Variants in IRAK1BP1 observed in about 807,000 individuals in gnomAD.
IRAK1BP1 encodes interleukin-1 receptor-associated kinase 1-binding protein 1.
A neutral mutation model predicts 28.0 loss-of-function variants in IRAK1BP1; 24 were observed. The ratio of observed to expected loss-of-function variants is 0.86; its 90% CI spans 0.62 to 1.20. IRAK1BP1 has a LOEUF of 1.20. Ranked by LOEUF, IRAK1BP1 falls within the 50% of genes most tolerant of loss-of-function variation. The probability of loss-of-function intolerance (pLI) is 0.00; values close to 1 mark genes in which losing one functional copy is unlikely to be tolerated. For missense variants in IRAK1BP1, 336 were observed against 316.7 expected (o/e 1.06, Z -0.46); for synonymous variants, 131 against 116.3 (o/e 1.13, Z -0.81).
At chr6:78,868,668 CCT>C (rs1173136173) in intron 1 of IRAK1BP1, among the ~76,000 whole-genome samples, 1 of 152,094 alleles carries the variant, frequency 6.6e-6, no homozygotes, top group Non-Finnish European at 1.5e-5. Flanking sequence ...TTTTAATATC[CCT>C]GTTTTCCAAA....
chr6:78,910,619 AG>A (rs1265703744), intron 4 of IRAK1BP1, among the ~76,000 whole-genome samples: 1 of 152,258 alleles, frequency 6.6e-6, no homozygotes, highest in African/African-American at 2.4e-5. Flanking sequence ...AAGCCCGGGC[AG>A]AAGGGCGCAT....
At chr6:78,910,635 G>C (rs933062229) in intron 4 of IRAK1BP1, among the ~76,000 whole-genome samples, 1 of 152,232 alleles carries the variant, frequency 6.6e-6, no homozygotes, top group Non-Finnish European at 1.5e-5. Context: ...GCGCATTCTC[G>C]GCGCGGAGGG....
chr6:78,946,470 G>A (rs763165243), downstream of IRAK1BP1: 166 of 1,399,820 alleles, frequency 1.2e-4, no homozygotes, highest in Non-Finnish European at 1.5e-4. Context: ...CGGAAAGCAT[G>A]ATGCCATCAC....
At chr6:78,926,546 A>C (rs1209669298) in intron 4 of IRAK1BP1, among the ~76,000 whole-genome samples, 4 of 152,154 alleles carry the variant, frequency 2.6e-5, no homozygotes, top group Non-Finnish European at 5.9e-5. Context: ...TGTGTCACAA[A>C]TTATCCAAGT....
At chr6:78,887,760 G>T (rs1380685169) in intron 2 of IRAK1BP1, among the ~76,000 whole-genome samples, 1 of 148,104 alleles carries the variant, frequency 6.8e-6, no homozygotes, top group Admixed American at 6.8e-5. Flanking sequence ...AGGTGGGAAT[G>T]TATGATGATG....
intron 1 of IRAK1BP1, among the ~76,000 whole-genome samples, chr6:78,882,862 A>G (rs1366349516): frequency 1.3e-5 from 2 of 152,210 alleles, no homozygotes; most frequent in Admixed American, 1.3e-4. Context: ...GTACTATAAT[A>G]TTAACATCAG....
At chr6:78,903,179 T>C (rs1409057162), downstream of IRAK1BP1, 2 of 859,852 alleles carry the variant, frequency 2.3e-6, no homozygotes, top group Non-Finnish European at 3.5e-6. Context: ...CTTTGCTACA[T>C]AGGGTTTAAA....
chr6:78,909,156 C>A (rs753990962), intron 4 of IRAK1BP1, among the ~76,000 whole-genome samples: 5 of 152,136 alleles, frequency 3.3e-5, no homozygotes, highest in Non-Finnish European at 7.4e-5. Context: ...TACGATAGTT[C>A]AATTTATGAT....
intron 1 of IRAK1BP1, among the ~76,000 whole-genome samples, chr6:78,885,121 A>G (rs1246673606): frequency 6.6e-6 from 1 of 152,108 alleles, no homozygotes; most frequent in Non-Finnish European, 1.5e-5. Flanking sequence ...AATGAAAACC[A>G]TTCAACCTTT....
At chr6:78,938,180 T>TTTA (rs1773342756) in intron 4 of IRAK1BP1, 1 of 151,644 alleles carries the variant, frequency 6.6e-6, no homozygotes, top group African/African-American at 2.4e-5. Context: ...CTAATACATG[T>TTTA]TTAAGTGTTT....
the IRAK1BP1 span, among the ~76,000 whole-genome samples, chr6:78,978,373 C>T: frequency 6.6e-6 from 1 of 151,976 alleles, no homozygotes; most frequent in Non-Finnish European, 1.5e-5. Context: ...AAAACACTAA[C>T]AAAATTTTCA....
At chr6:78,962,928 T>C in the IRAK1BP1 span, among the ~76,000 whole-genome samples, 3 of 152,312 alleles carry the variant, frequency 2.0e-5, no homozygotes, top group East Asian at 5.8e-4. Flanking sequence ...CTGTTTTAAA[T>C]AGTTAAGTCC....
In IRAK1BP1 at chr6:78,944,084, G is replaced by A. The variant is rs75459183; in HGVS notation, c.*68-1324G>A. Among the ~76,000 whole-genome samples the A allele has an allele frequency of 5.1e-3, 776 of 150,746 alleles. 11 individuals are homozygous for A. The highest frequency in any genetic ancestry group is 0.018 in the African/African-American group (720 of 41,068). ...AAGAAGACGATATTTTAAGTGAGACGTGAAAGGCAACAGACAATTAAACTA... is the reference window on the plus strand; with the variant it reads ...AAGAAGACGATATTTTAAGTGAGACATGAAAGGCAACAGACAATTAAACTA... On this transcript the variant is annotated intron_variant and NMD_transcript_variant, in intron 4 of 4. Transcript: ENST00000606868.
the IRAK1BP1 span, chr6:78,961,834 A>G: frequency 6.4e-7 from 1 of 1,565,882 alleles, no homozygotes; most frequent in Non-Finnish European, 8.7e-7. Context: ...ATAAGTTTGT[A>G]AATTTATTTT....
intron 4 of IRAK1BP1, among the ~76,000 whole-genome samples, chr6:78,913,628 G>A (rs1464996552): frequency 1.3e-5 from 2 of 152,184 alleles, no homozygotes; most frequent in Non-Finnish European, 2.9e-5. Context: ...CTAGGTGATA[G>A]AGCGAGACTC....
chr6:78,978,317 G>A, the IRAK1BP1 span, among the ~76,000 whole-genome samples: 1 of 151,804 alleles, frequency 6.6e-6, no homozygotes, highest in Non-Finnish European at 1.5e-5. Context: ...AAAAGAAAAA[G>A]AAAGCTGGCA....
In IRAK1BP1 at chr6:78,939,051, A is replaced by AG. The variant is rs778312177; in HGVS notation, c.*68-6356dup. 5.9e-5 allele frequency: 9 copies of AG among 151,858 alleles called. No individual in the cohort carries two copies. In the East Asian group the frequency reaches 9.6e-4, roughly 16 times the overall value. The allele number at this position is 151,858 out of a possible 1,614,324, so 9.4% of individuals were successfully genotyped here. On this transcript the variant is annotated intron_variant and NMD_transcript_variant, in intron 4 of 4. Coordinates refer to the IRAK1BP1 transcript ENST00000606868. ...TTTGATTACATTTTTGTACCATACCAGTCCTCAGAAAATACTACATTCTTT... is the reference window on the plus strand; with the variant it reads ...TTTGATTACATTTTTGTACCATACCAGGTCCTCAGAAAATACTACATTCTTT...
At chr6:78,885,318 G>T (rs2127645854) in intron 1 of IRAK1BP1, 60 bp from the exon 2 acceptor site, 3 of 931,412 alleles carry the variant, frequency 3.2e-6, no homozygotes, top group South Asian at 1.4e-5. Context: ...TCTAATTTAT[G>T]TTTTAGAGTA....
At chr6:78,940,100 A>G in intron 4 of IRAK1BP1, 1 of 152,560 alleles carries the variant, frequency 6.6e-6, no homozygotes, top group South Asian at 2.1e-4. Flanking sequence ...GGAATAAAGC[A>G]AAAGCCTCCT....
Sources: gnomAD v4.1 joint callset for allele counts (sites outside exome capture counted in the v4.1 genomes callset) on GRCh38, gnomAD v4.1.1 for gene constraint, MANE v1.5 for transcripts, NCBI Gene and HGNC (gene_info 2026-07-23, HGNC 2026-07-21) for gene names.